The following PALS2 variants were observed in gnomAD, a reference collection of about 807,000 sequenced individuals.
PALS2 encodes the protein protein PALS2.
A neutral mutation model predicts 61.6 loss-of-function variants in PALS2; 27 were observed. The observed-to-expected ratio is 0.44, with a 90% CI of 0.32 to 0.60. The LOEUF (loss-of-function observed/expected upper bound fraction) is 0.60, where lower values mean the gene tolerates loss of function less well. Ranked by LOEUF, PALS2 falls within the 20% of genes least tolerant of loss-of-function variation. The pLI is 0.05. For missense variants in PALS2, 554 were observed against 639.4 expected, an observed-to-expected ratio of 0.87 and a Z score of 1.44; for synonymous variants, 236 against 218.6, an observed-to-expected ratio of 1.08 and a Z score of -0.70.
At chr7:24,605,346 A>G (rs769198829) in intron 1 of PALS2, among the ~76,000 whole-genome samples, 1 of 152,100 alleles carries the variant, frequency 6.6e-6, no homozygotes, top group South Asian at 2.1e-4. Flanking sequence ...AATAAACTAC[A>G]CTCATCCTAT....
At chr7:24,643,181 C>T (rs1785652948) in intron 3 of PALS2, among the ~76,000 whole-genome samples, 1 of 152,034 alleles carries the variant, frequency 6.6e-6, no homozygotes, top group Admixed American at 6.5e-5. Context: ...TTTGGACATA[C>T]TTATGTTAAG....
intron 2 of PALS2, among the ~76,000 whole-genome samples, chr7:24,626,549 G>A (rs749148720): frequency 6.6e-6 from 1 of 152,036 alleles, no homozygotes; most frequent in Non-Finnish European, 1.5e-5. Flanking sequence ...AGATGTAAAT[G>A]GCTAAATGCC....
At chr7:24,616,831 G>T (rs1784308696) in intron 1 of PALS2, among the ~76,000 whole-genome samples, 1 of 152,004 alleles carries the variant, frequency 6.6e-6, no homozygotes, top group South Asian at 2.1e-4. Flanking sequence ...CTTTTCTTTT[G>T]CTGTTTTTAG....
chr7:24,663,139 T>G (rs915607226), intron 5 of PALS2, among the ~76,000 whole-genome samples: 2 of 152,210 alleles, frequency 1.3e-5, no homozygotes, highest in African/African-American at 4.8e-5. Flanking sequence ...GACTTCAACA[T>G]CAACTTTTAT....
rs750150022 is a variant in PALS2 at position 24,649,653 on chromosome 7, T to C, written c.312T>C (p.Tyr104=). The change falls in exon 4 of 12, where the codon TAT becomes TAC. Residue 104 remains tyrosine, a synonymous_variant. Coordinates refer to ENST00000222644, the MANE Select transcript of PALS2 (RefSeq NM_001303037.2). ...ATGATATTGTGGCATCAAAGTGTTA[T>C]GATTCACCTCCATCAAGCCCAGAAA... is the stretch of plus-strand genomic sequence containing the variant. ...EAHDIVASKC[Y]DSPPSSPEMN... is the part of the protein sequence containing the mutation. 11 of 1,611,888 alleles carry C rather than the reference T, an allele frequency of 6.8e-6. No homozygotes were observed. Among genetic ancestry groups the C allele is most frequent in the South Asian group, 2.2e-5 (2 of 90,706 alleles).
intron 2 of PALS2, among the ~76,000 whole-genome samples, chr7:24,640,730 C>T (rs192207027): frequency 2.8e-5 from 4 of 145,006 alleles, no homozygotes; most frequent in Non-Finnish European, 5.9e-5. Flanking sequence ...TACTTTCGGC[C>T]GAGGGCGGTG....
At position 24,657,034 on chromosome 7, in the gene PALS2, T is replaced by A. The variant is rs1034050853; in HGVS notation, c.651+6322T>A. On this transcript the variant is annotated intron_variant, in intron 5 of 11. Coordinates refer to ENST00000222644, the MANE Select transcript of PALS2 (RefSeq NM_001303037.2). ...TTTAGCTTCCCTCACTCAGCATAGTTGTTTGGAGATTCATTCATGTTATGT... is the reference window on the plus strand; with the variant it reads ...TTTAGCTTCCCTCACTCAGCATAGTAGTTTGGAGATTCATTCATGTTATGT... Among the ~76,000 whole-genome samples the A allele has an allele frequency of 2.0e-5, 3 of 152,240 alleles. No homozygotes were observed. The South Asian group carries it at 6.2e-4, about 31-fold the overall frequency.
chr7:24,605,732 A>T (rs2128049525), intron 1 of PALS2, among the ~76,000 whole-genome samples: 1 of 152,272 alleles, frequency 6.6e-6, no homozygotes, highest in Non-Finnish European at 1.5e-5. Flanking sequence ...GTCTCTATCC[A>T]GTAATACCTG....
intron 1 of PALS2, among the ~76,000 whole-genome samples, chr7:24,606,606 T>C (rs935051547): frequency 6.6e-6 from 1 of 152,116 alleles, no homozygotes; most frequent in Non-Finnish European, 1.5e-5. Flanking sequence ...ATTAGGTTTT[T>C]TTTTGTTTCA....
chr7:24,665,555 A>C (rs773981440), intron 6 of PALS2, 33 bp from the exon 7 acceptor site: 1 of 1,600,920 alleles, frequency 6.2e-7, no homozygotes, highest in Admixed American at 1.7e-5. Context: ...AATTTTGGTC[A>C]CTGAGATGTA....
chr7:24,647,261 C>G (rs1178040267), intron 3 of PALS2, among the ~76,000 whole-genome samples: 1 of 151,966 alleles, frequency 6.6e-6, no homozygotes, highest in Admixed American at 6.6e-5. Context: ...ATTCTCCTGC[C>G]TCAGCCTCCC....
chr7:24,650,709 A>G lies in PALS2; in HGVS notation c.648A>G (p.Gln216=). Reference sequence around the variant, plus strand: ...GTTATAGAGATACCATTACTCCTCAACAGGTTAGTAATAAAATTTTTGGTA... The same window carrying G: ...GTTATAGAGATACCATTACTCCTCAGCAGGTTAGTAATAAAATTTTTGGTA... ...LPSYRDTITP[Q]QVFVKCHFDY... The change falls in exon 5 of 12, where the codon CAA becomes CAG. Residue 216 remains glutamine (Q), a synonymous_variant. Coordinates refer to ENST00000222644, the MANE Select transcript of PALS2 (RefSeq NM_001303037.2). The G allele has an allele frequency of 1.9e-6, 3 of 1,541,076 alleles. No individual in the cohort carries two copies. The highest frequency in any genetic ancestry group is 1.8e-6 in the Non-Finnish European group (2 of 1,132,298).
chr7:24,663,192 C>T (rs1562650763), intron 5 of PALS2, among the ~76,000 whole-genome samples: 1 of 152,184 alleles, frequency 6.6e-6, no homozygotes, highest in African/African-American at 2.4e-5. Context: ...AGTTCTAATA[C>T]ATCTGAAATA....
chr7:24,689,190 T>A lies in PALS2; in HGVS notation c.*1576T>A, dbSNP rs1250897341. ...GCATTGACTTATACAAATTCCCACA[T>A]TCACCTCAGTTAATATCTTCCTTTA... On this transcript the variant is annotated 3_prime_UTR_variant, in exon 12 of 12. Coordinates refer to ENST00000222644, the MANE Select transcript of PALS2 (RefSeq NM_001303037.2). 1 of 152,230 alleles carries A rather than the reference T, an allele frequency of 6.6e-6. No homozygotes were observed. The highest frequency in any genetic ancestry group is 1.5e-5 in the Non-Finnish European group (1 of 68,038). The allele number at this position is 152,230 out of a possible 1,614,324, so 9.4% of individuals were successfully genotyped here. A position where few individuals can be genotyped will look rare whatever the true frequency, so the allele number is the denominator to read the frequency against.
Position 24,691,312 on chromosome 7 carries a change from G to C in PALS2, c.*3698G>C, listed in dbSNP as rs1788453901. On this transcript the variant is annotated 3_prime_UTR_variant, in exon 12 of 12. Transcript: ENST00000222644. ...GTAGTAATGAACCTTAACTAAACATGAAAAAGGCAATCCTGAAGTTTTATG... is the reference window on the plus strand; with the variant it reads ...GTAGTAATGAACCTTAACTAAACATCAAAAAGGCAATCCTGAAGTTTTATG... 1 of 150,100 alleles carries C rather than the reference G, an allele frequency of 6.7e-6. No homozygotes were observed. The highest frequency in any genetic ancestry group is 6.7e-5 in the Admixed American group (1 of 14,986). 9.3% of individuals were successfully genotyped at this position (150,100 alleles called of 1,614,324 possible). A position where few individuals can be genotyped will look rare whatever the true frequency, so the allele number is the denominator to read the frequency against.
intron 1 of PALS2, among the ~76,000 whole-genome samples, chr7:24,586,728 C>T (rs938142645): frequency 5.3e-5 from 8 of 152,100 alleles, no homozygotes; most frequent in Non-Finnish European, 1.2e-4. Flanking sequence ...GTGTGATAGT[C>T]TTACGCCTAG....
rs149795543 is a variant in PALS2 at position 24,640,869 on chromosome 7, T to G, written c.118-847T>G. ...TAAAAATACAAAAAATTAGCCAGGC[T>G]TGGTGGCGGGTACCTGTAGTCCCAG... On this transcript the variant is annotated intron_variant, in intron 2 of 11. Coordinates refer to ENST00000222644, the MANE Select transcript of PALS2 (RefSeq NM_001303037.2). Among the ~76,000 whole-genome samples, 588 of 151,624 alleles carry G rather than the reference T, an allele frequency of 3.9e-3. 1 individual carries two copies. Among genetic ancestry groups the G allele is most frequent in the African/African-American group, 0.012 (498 of 41,334 alleles).
intron 6 of PALS2, among the ~76,000 whole-genome samples, chr7:24,664,075 G>A (rs191487528): frequency 5.3e-5 from 8 of 152,170 alleles, no homozygotes; most frequent in Admixed American, 5.2e-4. Context: ...ATTTTAAGTA[G>A]GAGACTTTTA....
intron 1 of PALS2, among the ~76,000 whole-genome samples, chr7:24,583,497 A>G (rs1455532764): frequency 6.6e-6 from 1 of 152,172 alleles, no homozygotes; most frequent in African/African-American, 2.4e-5. Flanking sequence ...GATACTATAC[A>G]ATTAGTTTCC....
Sources: gnomAD v4.1 joint callset for allele counts (sites outside exome capture counted in the v4.1 genomes callset) on GRCh38, gnomAD v4.1.1 for gene constraint, MANE v1.5 for transcripts, NCBI Gene and HGNC (gene_info 2026-07-23, HGNC 2026-07-21) for gene names.